CENPN: variants seen among roughly 807,000 people sequenced by gnomAD.
The protein encoded by CENPN is centromere protein N, also known as interphase centromere complex protein 32.
A neutral mutation model predicts 48.6 loss-of-function variants in CENPN; 36 were observed. That is an observed-to-expected ratio of 0.74 (90% CI 0.57 to 0.98). The LOEUF (loss-of-function observed/expected upper bound fraction) is 0.98. Among genes scored for constraint, CENPN ranks in the 50% least tolerant of loss-of-function variants. The pLI is 0.00. For missense variants in CENPN, 439 were observed against 399.2 expected (o/e 1.10, Z -0.85); for synonymous variants, 166 against 135.2 (o/e 1.23, Z -1.58).
At chr16:81,025,819 C>T (rs1970443285) in intron 8 of CENPN, among the ~76,000 whole-genome samples, 1 of 151,092 alleles carries the variant, frequency 6.6e-6, no homozygotes, top group African/African-American at 2.4e-5. Flanking sequence ...TCTCTTTCCT[C>T]AGCCTCCCAA....
At chr16:81,017,500 ACT>A (rs1434170452) in intron 4 of CENPN, 115 bp downstream of exon 4, 14 of 743,344 alleles carry the variant, frequency 1.9e-5, no homozygotes, top group African/African-American at 3.6e-5. Context: ...ACAGAGCAAG[ACT>A]CTATATCCAA....
chr16:81,032,746 C>G (rs1970824695), downstream of CENPN: 1 of 1,554,126 alleles, frequency 6.4e-7, no homozygotes, highest in Non-Finnish European at 8.8e-7. Flanking sequence ...AAATGTATGT[C>G]TCTCCTGATA....
chr16:81,014,212 A>G, intron 3 of CENPN, 31 bp downstream of exon 3: 2 of 1,593,836 alleles, frequency 1.3e-6, no homozygotes, highest in Non-Finnish European at 1.7e-6. Flanking sequence ...TTTATACTTA[A>G]CCAATCAGTT....
chr16:81,028,393 C>G, intron 10 of CENPN, 96 bp downstream of exon 10: 1 of 1,510,402 alleles, frequency 6.6e-7, no homozygotes, highest in Middle Eastern at 1.8e-4. Context: ...TCACCCATCA[C>G]CCTAGTCTGC....
Position 81,017,810 on chromosome 16 carries a change from A to G in CENPN, c.330A>G (p.Lys110=). 1.9e-6 allele frequency: 3 copies of G among 1,577,824 alleles called. No individual in the cohort carries two copies. The highest frequency in any genetic ancestry group is 1.7e-6 in the Non-Finnish European group (2 of 1,158,976). Residue 110 remains lysine (K), a synonymous_variant, in exon 5 of 11, where the codon AAA becomes AAG. Coordinates refer to ENST00000305850, the MANE Select transcript of CENPN (RefSeq NM_001100624.3). ...AACAATTTAAAAATTCGTTCAAGAA[A>G]ATTCTTCAGAGAGCATTAAAAAATG... The part of the protein sequence containing the change: ...DMKQFKNSFK[K]ILQRALKNVT...
downstream of CENPN, chr16:81,032,433 C>A: frequency 1.3e-6 from 1 of 797,994 alleles, no homozygotes; most frequent in Non-Finnish European, 2.0e-6. Context: ...ATATAAGCGT[C>A]CACACCCCAT....
intron 1 of CENPN, among the ~76,000 whole-genome samples, chr16:81,009,719 T>C (rs974672349): frequency 3.3e-5 from 5 of 152,232 alleles, no homozygotes; most frequent in Non-Finnish European, 7.3e-5. Flanking sequence ...GTTCAACAAA[T>C]AAGTCACAGC....
chr16:81,022,877 T>G, intron 7 of CENPN, 179 bp downstream of exon 7: 3 of 1,609,446 alleles, frequency 1.9e-6, no homozygotes, highest in Non-Finnish European at 2.5e-6. Flanking sequence ...CACAGTCATC[T>G]TTTTATAATT....
At chr16:81,022,492 C>T (rs766841562) in intron 6 of CENPN, 105 bp from the exon 7 acceptor site, 83 of 939,880 alleles carry the variant, frequency 8.8e-5, no homozygotes, top group African/African-American at 3.5e-4. Context: ...TTTACACTTA[C>T]GGGGAAACTA....
At chr16:81,027,816 T>C (rs1418168093) in intron 9 of CENPN, among the ~76,000 whole-genome samples, 1 of 152,218 alleles carries the variant, frequency 6.6e-6, no homozygotes, top group East Asian at 1.9e-4. Flanking sequence ...GCAATTCTCA[T>C]GCCTTGGCCT....
At chr16:81,021,847 A>T (rs2602425) in intron 6 of CENPN, among the ~76,000 whole-genome samples, 2 of 151,812 alleles carry the variant, frequency 1.3e-5, no homozygotes, top group African/African-American at 4.8e-5. Context: ...CTCCACCCCC[A>T]AGGTTCAAGC....
chr16:81,022,310 T>C, intron 6 of CENPN: 2 of 345,350 alleles, frequency 5.8e-6, no homozygotes, highest in Non-Finnish European at 1.1e-5. Context: ...TTTTGAGTAT[T>C]TATTGTTTAT....
downstream of CENPN, chr16:81,031,588 C>T (rs544607891): frequency 2.6e-5 from 4 of 152,348 alleles, no homozygotes; most frequent in African/African-American, 9.6e-5. Flanking sequence ...GCCACGGATT[C>T]GAGCACAGTT....
chr16:81,026,775 T>C, intron 9 of CENPN, 137 bp downstream of exon 9: 1 of 465,384 alleles, frequency 2.1e-6, no homozygotes, highest in Non-Finnish European at 3.9e-6. Context: ...AATTTATGAA[T>C]TAAATAGACC....
chr16:81,011,826 G>A, intron 1 of CENPN, 104 bp from the exon 2 acceptor site: 1 of 951,234 alleles, frequency 1.1e-6, no homozygotes, highest in Admixed American at 2.5e-5. Context: ...AATCTAGTGA[G>A]ACCCTGTCTC....
chr16:81,011,238 C>T (rs1474190311), intron 1 of CENPN, among the ~76,000 whole-genome samples: 1 of 152,190 alleles, frequency 6.6e-6, no homozygotes, highest in Non-Finnish European at 1.5e-5. Context: ...CAAGGATTGC[C>T]CCCAAGTCAT....
chr16:81,022,982 T>A, intron 7 of CENPN: 15 of 1,037,952 alleles, frequency 1.4e-5, no homozygotes, highest in Non-Finnish European at 1.8e-5. Flanking sequence ...GTTTTCTCTT[T>A]AGAGAAACTT....
intron 6 of CENPN, among the ~76,000 whole-genome samples, chr16:81,021,460 G>A (rs991309356): frequency 6.6e-6 from 1 of 152,148 alleles, no homozygotes; most frequent in African/African-American, 2.4e-5. Context: ...CACCATCCTG[G>A]CTGCATCATG....
At chr16:81,025,689 CTCTTTTTTTTTTTTTT>C (rs763263121) in intron 8 of CENPN, among the ~76,000 whole-genome samples, 4 of 135,212 alleles carry the variant, frequency 3.0e-5, no homozygotes, top group Non-Finnish European at 3.1e-5. Context: ...GACCCTGTCT[CTCTTTTTTTTTTTTTT>C]TTTTTTTTTT....
Sources: gnomAD v4.1 joint callset for allele counts (sites outside exome capture counted in the v4.1 genomes callset) on GRCh38, gnomAD v4.1.1 for gene constraint, MANE v1.5 for transcripts, NCBI Gene and HGNC (gene_info 2026-07-23, HGNC 2026-07-21) for gene names.